The following DOCK3 variants were observed in gnomAD, a reference collection of about 807,000 sequenced individuals.
The protein encoded by DOCK3 is dedicator of cytokinesis protein 3.
In DOCK3, 60 loss-of-function variants were observed where a neutral mutation model predicts 265.6. The ratio of observed to expected loss-of-function variants is 0.23; its 90% CI spans 0.18 to 0.28. The LOEUF (loss-of-function observed/expected upper bound fraction) is 0.28, where lower values mean the gene tolerates loss of function less well. Ranked by LOEUF, DOCK3 falls within the 10% of genes least tolerant of loss-of-function variation. The pLI, the probability that DOCK3 is intolerant of heterozygous loss-of-function variation, is 1.00. For synonymous variants in DOCK3, 881 were observed against 938.0 expected, an observed-to-expected ratio of 0.94 and a Z score of 1.11; for missense variants, 1,981 against 2,594.3, an observed-to-expected ratio of 0.76 and a Z score of 5.14.
chr3:50,907,093 T>C (rs1375217216), intron 4 of DOCK3, among the ~76,000 whole-genome samples: 3 of 152,148 alleles, frequency 2.0e-5, no homozygotes, highest in Non-Finnish European at 4.4e-5. Flanking sequence ...TCCTGAGTTC[T>C]AGTTTGATTG....
At chr3:50,727,601 G>T (rs2037913499) in intron 1 of DOCK3, among the ~76,000 whole-genome samples, 1 of 152,186 alleles carries the variant, frequency 6.6e-6, no homozygotes, top group Non-Finnish European at 1.5e-5. Context: ...GGGAGGCTGA[G>T]GCAGGAGAAT....
intron 12 of DOCK3, among the ~76,000 whole-genome samples, chr3:51,197,492 C>T (rs1309081457): frequency 1.3e-5 from 2 of 152,106 alleles, no homozygotes; most frequent in African/African-American, 2.4e-5. Flanking sequence ...TCCAGGAACT[C>T]GGGTGGCACA....
chr3:51,253,249 A>T (rs965580902), intron 22 of DOCK3, among the ~76,000 whole-genome samples: 2 of 152,128 alleles, frequency 1.3e-5, no homozygotes, highest in African/African-American at 4.8e-5. Context: ...TTGATGTGCT[A>T]CTGGATTCAG....
Position 51,360,537 on chromosome 3 carries a change from T to C in DOCK3, c.4911T>C (p.Ser1637=). The part of the protein sequence containing the change: ...YHEFPGLDKL[S]PACSGTSTPR... The stretch of plus-strand genomic sequence containing the variant: ...AGTTTCCAGGTTTGGATAAGCTAAG[T>C]CCTGCATGTTCAGGCACCAGCACCC... Residue 1637 remains serine, a synonymous_variant, in exon 47 of 53, where the codon AGT becomes AGC. Transcript: ENST00000266037. The C allele has an allele frequency of 6.2e-7, 1 of 1,612,434 alleles. No homozygotes were observed. The highest frequency in any genetic ancestry group is 8.5e-7 in the Non-Finnish European group (1 of 1,179,214).
Position 50,687,883 on chromosome 3 carries a change from T to C in DOCK3, c.37+12583T>C, listed in dbSNP as rs563581212. On this transcript the variant is annotated intron_variant, in intron 1 of 52. Coordinates refer to ENST00000266037, the MANE Select transcript of DOCK3 (RefSeq NM_004947.5). ...TGGCAACAAAGGTGCACACAACATA[T>C]CCTCATGTGCATCCTCCTGAAAATA... Among the ~76,000 whole-genome samples the C allele has an allele frequency of 7.1e-4, 108 of 152,308 alleles. 1 individual carries two copies. In the South Asian group the frequency reaches 0.022, roughly 31 times the overall value.
At chr3:50,837,431 G>C (rs541113177) in intron 2 of DOCK3, among the ~76,000 whole-genome samples, 4 of 152,334 alleles carry the variant, frequency 2.6e-5, no homozygotes, top group African/African-American at 9.6e-5. Context: ...CATGGTGGCA[G>C]ATGAGAGAAG....
intron 1 of DOCK3, among the ~76,000 whole-genome samples, chr3:50,711,428 A>AT (rs1559540164): frequency 6.6e-6 from 1 of 151,588 alleles, no homozygotes; most frequent in South Asian, 2.1e-4. Context: ...CGCCTGGCTA[A>AT]TTTTTTGTAT....
At chr3:51,200,234 G>A (rs1034771160) in intron 12 of DOCK3, among the ~76,000 whole-genome samples, 10 of 151,090 alleles carry the variant, frequency 6.6e-5, no homozygotes, top group African/African-American at 2.4e-4. Context: ...ATCAAACTAC[G>A]AGCTACAGGA....
At chr3:51,250,130 T>G (rs777780518) in intron 22 of DOCK3, among the ~76,000 whole-genome samples, 18 of 151,706 alleles carry the variant, frequency 1.2e-4, no homozygotes, top group African/African-American at 4.4e-4. Context: ...GGGACACAAA[T>G]GCTGCGGAAG....
Position 51,297,236 on chromosome 3 carries a change from A to G in DOCK3, c.2923-12996A>G, listed in dbSNP as rs148784198. On this transcript the variant is annotated intron_variant, in intron 27 of 52. Coordinates refer to ENST00000266037, the MANE Select transcript of DOCK3 (RefSeq NM_004947.5). Reference sequence around the variant, plus strand: ...AGACCTAAATGTAAAAGCTAAAACTATGAAACTCTTGGAAGAAAATGTAGT... The same window carrying G: ...AGACCTAAATGTAAAAGCTAAAACTGTGAAACTCTTGGAAGAAAATGTAGT... 1.8e-4 allele frequency among the ~76,000 whole-genome samples: 27 copies of G among 152,248 alleles called. 1 individual carries two copies. Among genetic ancestry groups the G allele is most frequent in the South Asian group, 8.3e-4 (4 of 4,828 alleles).
chr3:50,914,232 G>T (rs1269097683), intron 4 of DOCK3, among the ~76,000 whole-genome samples: 1 of 151,272 alleles, frequency 6.6e-6, no homozygotes, highest in African/African-American at 2.4e-5. Flanking sequence ...GTTAACTTTA[G>T]GTTTGGTTTG....
intron 51 of DOCK3, among the ~76,000 whole-genome samples, chr3:51,376,316 C>T (rs2088124878): frequency 6.6e-6 from 1 of 152,130 alleles, no homozygotes; most frequent in Admixed American, 6.5e-5. Context: ...CAAGTGAAGC[C>T]CAGGGTGCCC....
chr3:50,852,262 T>C (rs1408007365), intron 3 of DOCK3, among the ~76,000 whole-genome samples: 1 of 152,206 alleles, frequency 6.6e-6, no homozygotes, highest in African/African-American at 2.4e-5. Context: ...TTATGCATGA[T>C]CTTGCTGTTT....
At chr3:51,071,229 T>A (rs1325254975) in intron 6 of DOCK3, among the ~76,000 whole-genome samples, 1 of 152,208 alleles carries the variant, frequency 6.6e-6, no homozygotes, top group Non-Finnish European at 1.5e-5. Flanking sequence ...TATTAGCTGC[T>A]GTGTCCCTAG....
At chr3:51,052,273 A>C (rs1220398149) in intron 5 of DOCK3, among the ~76,000 whole-genome samples, 1 of 152,162 alleles carries the variant, frequency 6.6e-6, no homozygotes, top group Non-Finnish European at 1.5e-5. Context: ...TAAAAGACCA[A>C]GGTGGGTGGA....
intron 12 of DOCK3, among the ~76,000 whole-genome samples, chr3:51,165,005 C>T (rs565387419): frequency 1.5e-5 from 2 of 130,818 alleles, no homozygotes; most frequent in African/African-American, 5.7e-5. Context: ...GTGGCGCAAT[C>T]TCACCTCACT....
At chr3:50,685,174 G>A (rs545010967) in intron 1 of DOCK3, among the ~76,000 whole-genome samples, 10 of 152,166 alleles carry the variant, frequency 6.6e-5, no homozygotes, top group East Asian at 3.9e-4. Context: ...TAAGACTGCC[G>A]TTCTGTAATA....
At chr3:50,877,585 G>A (rs2047771040) in intron 3 of DOCK3, 2 of 518,384 alleles carry the variant, frequency 3.9e-6, no homozygotes. Flanking sequence ...CAGCTTGATG[G>A]CATCTCTGAA....
At chr3:51,251,186 A>G (rs918932004) in intron 22 of DOCK3, among the ~76,000 whole-genome samples, 1 of 152,198 alleles carries the variant, frequency 6.6e-6, no homozygotes, top group African/African-American at 2.4e-5. Context: ...ATATCCCTAC[A>G]AAGGACATGA....
Sources: gnomAD v4.1 joint callset for allele counts (sites outside exome capture counted in the v4.1 genomes callset) on GRCh38, gnomAD v4.1.1 for gene constraint, MANE v1.5 for transcripts, NCBI Gene and HGNC (gene_info 2026-07-23, HGNC 2026-07-21) for gene names.